Variants in SARNP observed in about 807,000 individuals in gnomAD.
The protein encoded by SARNP is SAP domain-containing ribonucleoprotein.
Under a neutral mutation model 38.1 loss-of-function variants are expected in SARNP, and 5 were observed. The ratio of observed to expected loss-of-function variants is 0.13; its 90% CI spans 0.07 to 0.28. The LOEUF (loss-of-function observed/expected upper bound fraction) is 0.28, where lower values mean the gene tolerates loss of function less well. Ranked by LOEUF, SARNP falls within the 10% of genes least tolerant of loss-of-function variation. The pLI is 1.00. For synonymous variants in SARNP, 84 were observed against 80.6 expected (o/e 1.04, Z -0.23); for missense variants, 180 against 243.9 (o/e 0.74, Z 1.75).
At chr12:55,790,251 T>C (rs998844594) in intron 8 of SARNP, among the ~76,000 whole-genome samples, 1 of 151,166 alleles carries the variant, frequency 6.6e-6, no homozygotes, top group African/African-American at 2.4e-5. Context: ...AATTATGAAT[T>C]AGACATTATC....
chr12:55,766,821 C>A (rs929199067), intron 9 of SARNP, among the ~76,000 whole-genome samples: 2 of 152,058 alleles, frequency 1.3e-5, no homozygotes, highest in Non-Finnish European at 2.9e-5. Flanking sequence ...AGGGTTTCAC[C>A]ATGTTGCCCA....
chr12:55,762,797 C>T (rs1383846519), intron 9 of SARNP, among the ~76,000 whole-genome samples: 1 of 152,144 alleles, frequency 6.6e-6, no homozygotes, highest in Non-Finnish European at 1.5e-5. Context: ...GTCCCTGTGG[C>T]CACAGCAGCC....
chr12:55,812,513 C>T (rs1341081810), intron 1 of SARNP, among the ~76,000 whole-genome samples: 1 of 152,216 alleles, frequency 6.6e-6, no homozygotes, highest in African/African-American at 2.4e-5. Flanking sequence ...AAGTCTTCAT[C>T]ATCAGCTTTC....
At chr12:55,789,943 C>CAAAAA (rs1158181574) in intron 8 of SARNP, among the ~76,000 whole-genome samples, 2 of 45,760 alleles carry the variant, frequency 4.4e-5, no homozygotes, top group African/African-American at 8.2e-5. Flanking sequence ...AACTCCGTCT[C>CAAAAA]AAAAAAAAAA....
At chr12:55,761,009 G>A (rs183608241) in intron 9 of SARNP, among the ~76,000 whole-genome samples, 476 of 151,502 alleles carry the variant, frequency 3.1e-3, no homozygotes, top group Admixed American at 4.7e-3. Flanking sequence ...ACCCCATTTC[G>A]ACTAAAAATA....
chr12:55,766,824 G>A (rs1878851495), intron 9 of SARNP, among the ~76,000 whole-genome samples: 1 of 152,090 alleles, frequency 6.6e-6, no homozygotes, highest in Admixed American at 6.6e-5. Flanking sequence ...GTTTCACCAT[G>A]TTGCCCAGGC....
At chr12:55,795,504 A>G (rs1879794878) in intron 5 of SARNP, among the ~76,000 whole-genome samples, 1 of 152,224 alleles carries the variant, frequency 6.6e-6, no homozygotes, top group African/African-American at 2.4e-5. Context: ...AAAGTGATCA[A>G]AGGAATAGCT....
At chr12:55,754,841 A>G (rs1878454485), downstream of SARNP, 1 of 152,226 alleles carries the variant, frequency 6.6e-6, no homozygotes, top group Non-Finnish European at 1.5e-5. Context: ...TCTCAGAGCT[A>G]GTGTGGTAGA....
At chr12:55,790,727 A>T (rs1024955084) in intron 7 of SARNP, 135 bp from the exon 8 acceptor site, 28 of 866,364 alleles carry the variant, frequency 3.2e-5, no homozygotes, top group Non-Finnish European at 3.6e-5. Context: ...GCATGTAGCG[A>T]TCATGTCTGC....
At chr12:55,778,572 G>T (rs1441184386) in intron 9 of SARNP, among the ~76,000 whole-genome samples, 1 of 152,042 alleles carries the variant, frequency 6.6e-6, no homozygotes. Context: ...ACAGATATAG[G>T]ATTACACGTT....
At chr12:55,760,764 CA>C (rs1878650566) in intron 9 of SARNP, 124 bp from the exon 10 acceptor site, 2 of 670,222 alleles carry the variant, frequency 3.0e-6, no homozygotes, top group East Asian at 5.1e-5. Flanking sequence ...CTAAGGATCA[CA>C]TAAAGAGATA....
chr12:55,795,577 T>C (rs556638314), intron 5 of SARNP, among the ~76,000 whole-genome samples: 1 of 152,304 alleles, frequency 6.6e-6, no homozygotes, highest in Admixed American at 6.5e-5. Context: ...TATGCCATTC[T>C]AAAAGAGTTT....
At chr12:55,774,993 T>G (rs867615732) in intron 9 of SARNP, among the ~76,000 whole-genome samples, 13 of 150,264 alleles carry the variant, frequency 8.7e-5, no homozygotes, top group South Asian at 2.1e-4. Flanking sequence ...TTTAAGCCAT[T>G]CTCCTGCCTC....
chr12:55,774,661 T>C (rs924200777), intron 9 of SARNP, among the ~76,000 whole-genome samples: 4 of 148,994 alleles, frequency 2.7e-5, no homozygotes, highest in African/African-American at 7.5e-5. Flanking sequence ...GGCAGGAAAA[T>C]TGATTAAACC....
chr12:55,803,542 G>T (rs1880047270), intron 2 of SARNP, 87 bp downstream of exon 2: 5 of 747,768 alleles, frequency 6.7e-6, no homozygotes, highest in South Asian at 3.8e-5. Context: ...CATTGCTAAT[G>T]ACCTGAAAAA....
intron 7 of SARNP, among the ~76,000 whole-genome samples, chr12:55,791,405 T>C (rs1030976864): frequency 1.3e-5 from 2 of 152,352 alleles, no homozygotes; most frequent in Non-Finnish European, 2.9e-5. Flanking sequence ...GTTGAAATTA[T>C]GGCTCCTGGC....
At chr12:55,761,598 T>C (rs187408775) in intron 9 of SARNP, 7 of 152,328 alleles carry the variant, frequency 4.6e-5, no homozygotes, top group Non-Finnish European at 8.8e-5. Flanking sequence ...TTACCATGAG[T>C]TGGAGCTCGC....
intron 8 of SARNP, 129 bp downstream of exon 8, chr12:55,790,438 C>A: frequency 9.6e-7 from 1 of 1,041,712 alleles, no homozygotes; most frequent in Non-Finnish European, 1.4e-6. Context: ...AGACATACAA[C>A]ATTGTACTGA....
chr12:55,796,099 A>T (rs1358047394), intron 4 of SARNP, 23 bp from the exon 5 acceptor site: 3 of 1,551,186 alleles, frequency 1.9e-6, no homozygotes, highest in South Asian at 2.2e-5. Context: ...GAGATTTTTT[A>T]AAATGAGAAA....
Sources: allele counts gnomAD v4.1 joint callset (sites outside exome capture counted in the v4.1 genomes callset), GRCh38; gene constraint gnomAD v4.1.1; transcripts MANE v1.5; gene names NCBI Gene and HGNC (gene_info 2026-07-23, HGNC 2026-07-21).